The following UGGT1 variants were observed in gnomAD, a reference collection of about 807,000 sequenced individuals.
UGGT1 encodes UDP-glucose glycoprotein glucosyltransferase 1, also known as UDP-glucose:glycoprotein glucosyltransferase 1.
Under a neutral mutation model 203.9 loss-of-function variants are expected in UGGT1, and 107 were observed. The observed-to-expected ratio is 0.52, with a 90% CI of 0.45 to 0.62. The LOEUF (loss-of-function observed/expected upper bound fraction) is 0.62, where lower values mean the gene tolerates loss of function less well. Among genes scored for constraint, UGGT1 ranks in the 20% least tolerant of loss-of-function variants. The pLI is 0.00. For synonymous variants in UGGT1, 628 were observed against 653.5 expected, an observed-to-expected ratio of 0.96 and a Z score of 0.59; for missense variants, 1,673 against 1,867.2, an observed-to-expected ratio of 0.90 and a Z score of 1.92.
chr2:128,163,820 T>G (rs547658713), intron 25 of UGGT1, among the ~76,000 whole-genome samples: 5 of 152,330 alleles, frequency 3.3e-5, no homozygotes, highest in African/African-American at 1.2e-4. Flanking sequence ...AACACAGATG[T>G]TCAGTAGTTG....
At chr2:128,121,402 A>ATTTTT in intron 10 of UGGT1, 104 bp downstream of exon 10, 1 of 472,760 alleles carries the variant, frequency 2.1e-6, no homozygotes. Context: ...GAAAATTAAG[A>ATTTTT]TTCTTTTTTT....
At chr2:128,179,924 T>A in intron 35 of UGGT1, 54 bp downstream of exon 35, 1 of 1,524,070 alleles carries the variant, frequency 6.6e-7, no homozygotes, top group Non-Finnish European at 9.0e-7. Flanking sequence ...ATTTACTGTA[T>A]ATTTTTCATG....
At chr2:128,132,660 A>C (rs903140133) in intron 13 of UGGT1, among the ~76,000 whole-genome samples, 1 of 152,104 alleles carries the variant, frequency 6.6e-6, no homozygotes. Context: ...GTCTTCATCT[A>C]TTCTGTGGCT....
chr2:128,145,856 G>C lies in UGGT1; in HGVS notation c.1905G>C (p.Leu635=). The C allele has an allele frequency of 6.2e-7, 1 of 1,613,962 alleles. No individual in the cohort carries two copies. The highest frequency in any genetic ancestry group is 1.1e-5 in the South Asian group (1 of 91,056). ...QTGVGPLPVV[L]FNGMPFEREQ... Reference sequence around the variant, plus strand: ...GAGTTGGACCTCTGCCCGTTGTGCTGTTCAATGGAATGCCCTTTGAAAGGG... The same window carrying C: ...GAGTTGGACCTCTGCCCGTTGTGCTCTTCAATGGAATGCCCTTTGAAAGGG... Residue 635 remains leucine (L), a synonymous_variant, in exon 18 of 41, where the codon CTG becomes CTC. Transcript: ENST00000259253.
intron 20 of UGGT1, 138 bp from the exon 21 acceptor site, chr2:128,156,254 C>T (rs1386523888): frequency 4.3e-5 from 29 of 675,804 alleles, no homozygotes; most frequent in Non-Finnish European, 5.2e-6. Context: ...TGGGACAGCG[C>T]CATGACACCG....
intron 20 of UGGT1, among the ~76,000 whole-genome samples, chr2:128,155,801 T>G (rs1355290939): frequency 6.6e-6 from 1 of 151,994 alleles, no homozygotes; most frequent in East Asian, 1.9e-4. Context: ...TCAGATGTCT[T>G]CATAAATTTT....
At chr2:128,145,687 C>A in intron 17 of UGGT1, 116 bp from the exon 18 acceptor site, 1 of 927,858 alleles carries the variant, frequency 1.1e-6, no homozygotes, top group Non-Finnish European at 1.5e-6. Context: ...GTTATTTTTT[C>A]TTTACAATAT....
chr2:128,153,086 C>G (rs1690053942), intron 19 of UGGT1, among the ~76,000 whole-genome samples, 182 bp downstream of exon 19: 1 of 146,184 alleles, frequency 6.8e-6, no homozygotes, highest in Non-Finnish European at 1.5e-5. Flanking sequence ...ATTCTAAATT[C>G]ACAAGAGTTT....
chr2:128,132,665 G>C (rs578100338), intron 13 of UGGT1, among the ~76,000 whole-genome samples: 9 of 152,214 alleles, frequency 5.9e-5, no homozygotes, highest in African/African-American at 2.2e-4. Flanking sequence ...CATCTATTCT[G>C]TGGCTTATCT....
At chr2:128,140,591 T>G (rs1436968972) in intron 16 of UGGT1, 1 of 152,214 alleles carries the variant, frequency 6.6e-6, no homozygotes, top group East Asian at 1.9e-4. Context: ...CCATGTCTCT[T>G]GGGCTCTGCG....
chr2:128,186,889 T>G (rs1437930252), intron 39 of UGGT1, 90 bp downstream of exon 39: 13 of 1,027,884 alleles, frequency 1.3e-5, no homozygotes, highest in Non-Finnish European at 1.1e-5. Context: ...TTCTTAAATT[T>G]AAGAATTTCC....
At chr2:128,105,487 CTTTATTTTATTTTAT>C (rs70988607) in intron 3 of UGGT1, among the ~76,000 whole-genome samples, 16 of 145,436 alleles carry the variant, frequency 1.1e-4, no homozygotes, top group East Asian at 4.0e-4. Flanking sequence ...CTAGATTTTA[CTTTATTTTATTTTAT>C]TTTATTTTAT....
rs147631988 is a variant in UGGT1 at position 128,120,803 on chromosome 2, G to A, written c.973+347G>A. Reference sequence around the variant, plus strand: ...TTAAGACATGTCATTGTGGCAGGATGTATGTGTTTTTCTCTGTTCCAAAGA... The same window carrying A: ...TTAAGACATGTCATTGTGGCAGGATATATGTGTTTTTCTCTGTTCCAAAGA... On this transcript the variant is annotated intron_variant, in intron 9 of 40. Transcript: ENST00000259253. 2.8e-3 allele frequency among the ~76,000 whole-genome samples: 419 copies of A among 152,256 alleles called. 3 individuals are homozygous for A. Among genetic ancestry groups the A allele is most frequent in the African/African-American group, 9.5e-3 (396 of 41,552 alleles).
chr2:128,187,812 T>A (rs1191416660), intron 40 of UGGT1, among the ~76,000 whole-genome samples, 198 bp downstream of exon 40: 3 of 146,858 alleles, frequency 2.0e-5, no homozygotes, highest in Non-Finnish European at 2.9e-5. Context: ...GCAATTGCTA[T>A]GTTTTTTTTT....
At chr2:128,143,683 T>C (rs570055104) in intron 17 of UGGT1, among the ~76,000 whole-genome samples, 7 of 152,252 alleles carry the variant, frequency 4.6e-5, no homozygotes, top group Non-Finnish European at 5.9e-5. Context: ...CCATCTGTAC[T>C]GATTAGAGGC....
intron 2 of UGGT1, among the ~76,000 whole-genome samples, chr2:128,102,066 C>T (rs953638523): frequency 6.6e-6 from 1 of 152,136 alleles, no homozygotes; most frequent in Non-Finnish European, 1.5e-5. Context: ...CAATAACCAC[C>T]ATCACCACCC....
At chr2:128,149,433 A>G (rs1166052949) in intron 18 of UGGT1, among the ~76,000 whole-genome samples, 2 of 149,128 alleles carry the variant, frequency 1.3e-5, no homozygotes. Context: ...TAATGAGGTC[A>G]GGAGATTGAG....
intron 12 of UGGT1, among the ~76,000 whole-genome samples, chr2:128,128,756 T>C (rs925257012): frequency 6.6e-6 from 1 of 152,232 alleles, no homozygotes; most frequent in Non-Finnish European, 1.5e-5. Flanking sequence ...ATGTAGTATC[T>C]CTTTTTAATC....
rs186589027 is a variant in UGGT1, at chr2:128,130,231, A to C, written c.1377+1052A>C. Reference sequence around the variant, plus strand: ...AGCTGAGATCACGCCACTGCGCTCCAGTCTGGGTGACAGAGCAAGACTCCG... The same window carrying C: ...AGCTGAGATCACGCCACTGCGCTCCCGTCTGGGTGACAGAGCAAGACTCCG... On this transcript the variant is annotated intron_variant, in intron 13 of 40. Transcript: ENST00000259253. Among the ~76,000 whole-genome samples, 606 of 148,546 alleles carry C rather than the reference A, an allele frequency of 4.1e-3. 5 individuals carry two copies. The highest frequency in any genetic ancestry group is 0.013 in the African/African-American group (529 of 40,132).
Sources: allele counts gnomAD v4.1 joint callset (sites outside exome capture counted in the v4.1 genomes callset), GRCh38; gene constraint gnomAD v4.1.1; transcripts MANE v1.5; gene names NCBI Gene and HGNC (gene_info 2026-07-23, HGNC 2026-07-21).